Variants in KALRN observed in about 807,000 individuals in gnomAD.
KALRN encodes the protein kalirin.
KALRN carries 70 observed loss-of-function variants against 353.7 expected under a neutral mutation model. The observed-to-expected ratio is 0.20, with a 90% CI of 0.16 to 0.24. The LOEUF (loss-of-function observed/expected upper bound fraction) is 0.24. Ranked by LOEUF, KALRN falls within the 10% of genes least tolerant of loss-of-function variation. KALRN has a pLI of 1.00. For missense variants in KALRN, 2,791 were observed against 3,756.7 expected (o/e 0.74, Z 6.72); for synonymous variants, 1,391 against 1,434.8 (o/e 0.97, Z 0.69).
chr3:124,403,784 T>G (rs2091168242), intron 13 of KALRN, among the ~76,000 whole-genome samples: 1 of 152,180 alleles, frequency 6.6e-6, no homozygotes, highest in Non-Finnish European at 1.5e-5. Context: ...CACCTCCTTA[T>G]GTAGCAAAAA....
In KALRN at chr3:124,430,657, T is replaced by G; in HGVS notation, c.2711T>G (p.Val904Gly). The G allele has an allele frequency of 6.2e-7, 1 of 1,614,038 alleles. No individual in the cohort carries two copies. The highest frequency in any genetic ancestry group is 1.1e-5 in the South Asian group (1 of 91,068). Residue 904 changes from valine to glycine, a missense_variant and splice_region_variant, in exon 16 of 60, where the codon GTT (valine) becomes GGT (glycine). Coordinates refer to ENST00000682506, the MANE Select transcript of KALRN (RefSeq NM_001388419.1). ...LRHLQAEVKQ[V>G]LGWIRNGESM... ...TGTGTGCTTGTCCCGATTCCCTAGG[T>G]TCTGGGATGGATCCGCAATGGAGAG...
intron 52 of KALRN, 131 bp downstream of exon 52, chr3:124,693,962 T>G (rs958436142): frequency 4.5e-6 from 3 of 669,758 alleles, no homozygotes; most frequent in Non-Finnish European, 7.5e-6. Flanking sequence ...AAGAGGTTTA[T>G]GATAAATTAT....
In KALRN at chr3:124,671,687, G is replaced by A. The variant is rs374234847; in HGVS notation, c.6731G>A (p.Arg2244Gln). ...NALQSPIEYQ[R>Q]KERSTAVMRS... ...CTGCAATCGCCCATTGAGTATCAAC[G>A]GAAAGAAAGGAGCACAGCTGTGATG... Residue 2244 changes from arginine to glutamine, a missense_variant, in exon 48 of 60, where the codon CGG becomes CAG. Around this residue, in one of 11 missense-constraint regions of KALRN, gnomAD observed 1,065 missense variants for 1,156.4 expected, o/e 0.92. Transcript: ENST00000682506. 3.8e-5 allele frequency: 62 copies of A among 1,613,890 alleles called. No homozygotes were observed. The highest frequency in any genetic ancestry group is 6.7e-5 in the East Asian group (3 of 44,892).
intron 12 of KALRN, 72 bp from the exon 13 acceptor site, chr3:124,398,625 T>G (rs922533488): frequency 6.9e-7 from 1 of 1,448,906 alleles, no homozygotes; most frequent in Non-Finnish European, 9.7e-7. Context: ...ATGAGGAAGA[T>G]CCCCCTCCTC....
chr3:124,275,997 G>T (rs2074683323), intron 5 of KALRN, among the ~76,000 whole-genome samples: 1 of 152,124 alleles, frequency 6.6e-6, no homozygotes, highest in South Asian at 2.1e-4. Context: ...GATTCTTCCT[G>T]GTGTCCCATG....
chr3:124,417,702 T>C (rs7622341), intron 14 of KALRN, among the ~76,000 whole-genome samples: 80,557 of 152,098 alleles, frequency 0.53, 22,353 homozygotes, highest in East Asian at 0.73. Context: ...CCCGGCCACA[T>C]GTCTTAGGAC....
At chr3:124,222,360 G>A (rs1416125135) in intron 1 of KALRN, among the ~76,000 whole-genome samples, 1 of 152,154 alleles carries the variant, frequency 6.6e-6, no homozygotes, top group African/African-American at 2.4e-5. Context: ...AATAATAGAT[G>A]ATTATAGGGT....
At chr3:124,069,523 C>T (rs2042676243) in intron 1 of KALRN, among the ~76,000 whole-genome samples, 1 of 152,292 alleles carries the variant, frequency 6.6e-6, no homozygotes, top group African/African-American at 2.4e-5. Flanking sequence ...TAGCAGGGAA[C>T]AGGGCATGCT....
At chr3:124,366,661 C>G (rs1303737952) in intron 10 of KALRN, among the ~76,000 whole-genome samples, 4 of 152,038 alleles carry the variant, frequency 2.6e-5, no homozygotes, top group Admixed American at 6.5e-5. Context: ...ACCTTTCCCC[C>G]CTTTCTATTC....
In KALRN at chr3:124,334,521, C is replaced by G; in HGVS notation, c.1647+26C>G. 1 of 1,546,396 alleles carries G rather than the reference C, an allele frequency of 6.5e-7. No homozygotes were observed. Among genetic ancestry groups the G allele is most frequent in the Non-Finnish European group, 8.9e-7 (1 of 1,125,634 alleles). ...GTAACAGGCTCTGAGCCCCGGTGTCCATTATCCATTCTAGGAGGCAGACCG... is the reference window on the plus strand; with the variant it reads ...GTAACAGGCTCTGAGCCCCGGTGTCGATTATCCATTCTAGGAGGCAGACCG... On this transcript the variant is annotated intron_variant, in intron 9 of 59. Transcript: ENST00000682506. The surrounding 1 kb of genome is among the most constrained non-coding windows in gnomAD (Gnocchi z 4.2).
chr3:124,525,063 T>C (rs373361079), intron 33 of KALRN, among the ~76,000 whole-genome samples: 4 of 152,338 alleles, frequency 2.6e-5, no homozygotes, highest in East Asian at 3.9e-4. Context: ...AACCTGTTTT[T>C]ACTGGTTCTG....
chr3:124,197,276 C>CTGA (rs2075537122), intron 1 of KALRN, among the ~76,000 whole-genome samples: 1 of 152,164 alleles, frequency 6.6e-6, no homozygotes, highest in African/African-American at 2.4e-5. Context: ...ATTTGGTTTC[C>CTGA]TGAACATCCA....
chr3:124,707,924 C>G (rs1357008956), intron 57 of KALRN, among the ~76,000 whole-genome samples: 1 of 152,182 alleles, frequency 6.6e-6, no homozygotes, highest in Non-Finnish European at 1.5e-5. Context: ...TGAGGCACAT[C>G]CAAAGAAATA....
At chr3:124,481,169 C>A (rs1009674613) in intron 27 of KALRN, among the ~76,000 whole-genome samples, 2 of 151,912 alleles carry the variant, frequency 1.3e-5, no homozygotes, top group Non-Finnish European at 2.9e-5. Context: ...TGAAACATTA[C>A]TTTCATCATG....
intron 18 of KALRN, among the ~76,000 whole-genome samples, chr3:124,440,867 C>G (rs2093645109): frequency 6.6e-6 from 1 of 151,748 alleles, no homozygotes; most frequent in African/African-American, 2.4e-5. Context: ...TTGAGAGGAA[C>G]AAGAAATACT....
chr3:124,605,290 G>T (rs967016177), intron 34 of KALRN, among the ~76,000 whole-genome samples: 2 of 151,870 alleles, frequency 1.3e-5, no homozygotes. Context: ...AGGTGCATTG[G>T]CTGGATGCAG....
intron 34 of KALRN, among the ~76,000 whole-genome samples, chr3:124,575,506 G>A (rs1482737841): frequency 1.3e-5 from 2 of 152,164 alleles, no homozygotes; most frequent in African/African-American, 4.8e-5. Flanking sequence ...TGTTGCTGCT[G>A]TAACAAATTA....
intron 19 of KALRN, among the ~76,000 whole-genome samples, chr3:124,444,158 T>C (rs1432191431): frequency 6.6e-6 from 1 of 152,232 alleles, no homozygotes; most frequent in African/African-American, 2.4e-5. Context: ...GGCTCAGCAG[T>C]GCAGTTGTGC....
chr3:124,717,633 T>C (rs182703101), intron 59 of KALRN, among the ~76,000 whole-genome samples: 2,639 of 150,786 alleles, frequency 0.018, 35 homozygotes, highest in Non-Finnish European at 0.029. Flanking sequence ...GAGGCGGAGC[T>C]TGCAGTGAGC....
Sources: gnomAD v4.1 joint callset for allele counts (sites outside exome capture counted in the v4.1 genomes callset) on GRCh38, gnomAD v4.1.1 for gene constraint, gnomAD v4.1.1 regional missense constraint, Gnocchi (gnomAD v3.1) non-coding constraint, MANE v1.5 for transcripts, NCBI Gene and HGNC (gene_info 2026-07-23, HGNC 2026-07-21) for gene names.